The following NCKAP5 variants were observed in gnomAD, a reference collection of about 807,000 sequenced individuals.
The protein encoded by NCKAP5 is nck-associated protein 5.
NCKAP5 carries 92 observed loss-of-function variants against 167.0 expected under a neutral mutation model. That is an observed-to-expected ratio of 0.55 (90% CI 0.47 to 0.66). The LOEUF (loss-of-function observed/expected upper bound fraction) is 0.66, where lower values mean the gene tolerates loss of function less well. Among genes scored for constraint, NCKAP5 ranks in the 30% least tolerant of loss-of-function variants. NCKAP5 has a pLI of 0.00. For synonymous variants in NCKAP5, 891 were observed against 877.4 expected (o/e 1.02, Z -0.27); for missense variants, 2,378 against 2,315.0 (o/e 1.03, Z -0.56).
chr2:132,897,320 A>G (rs1364678374), intron 8 of NCKAP5, among the ~76,000 whole-genome samples: 2 of 152,216 alleles, frequency 1.3e-5, no homozygotes, highest in African/African-American at 4.8e-5. Context: ...ATGAAATGTC[A>G]GGCTGGGAAC....
Position 133,433,174 on chromosome 2 carries a change from T to C in NCKAP5, c.69+84284A>G, listed in dbSNP as rs117138662. Among the ~76,000 whole-genome samples the C allele has an allele frequency of 2.3e-3, 355 of 152,360 alleles. 7 individuals are homozygous for C. The East Asian group carries it at 0.059, about 25-fold the overall frequency. On this transcript the variant is annotated intron_variant, in intron 3 of 19. Transcript: ENST00000409261. The stretch of plus-strand genomic sequence containing the variant: ...TGAAATATTACCTAAATATCTGTTA[T>C]AAATTTGTATGACTTTAATGTGGTA...
intron 17 of NCKAP5, among the ~76,000 whole-genome samples, chr2:132,729,750 G>T (rs193192458): frequency 1.3e-5 from 2 of 152,306 alleles, no homozygotes; most frequent in Admixed American, 1.3e-4. Flanking sequence ...TGCCAGAATG[G>T]AGAATTGCTG....
intron 4 of NCKAP5, among the ~76,000 whole-genome samples, chr2:133,256,122 T>C (rs929052884): frequency 1.3e-5 from 2 of 152,176 alleles, no homozygotes; most frequent in Non-Finnish European, 2.9e-5. Context: ...TATAATCTGA[T>C]CAATTTAATT....
intron 5 of NCKAP5, among the ~76,000 whole-genome samples, chr2:133,186,042 C>T (rs2084932156): frequency 6.6e-6 from 1 of 151,986 alleles, no homozygotes; most frequent in African/African-American, 2.4e-5. Context: ...TTGTTCCGTT[C>T]CTCAAGGAGA....
At chr2:133,429,272 CTTTGT>C (rs1295915054) in intron 3 of NCKAP5, among the ~76,000 whole-genome samples, 5 of 149,758 alleles carry the variant, frequency 3.3e-5, no homozygotes, top group East Asian at 3.9e-4. Context: ...TTTTGCTTTG[CTTTGT>C]TTTAATTTGG....
intron 6 of NCKAP5, among the ~76,000 whole-genome samples, chr2:133,030,783 A>T (rs2078854866): frequency 6.6e-6 from 1 of 152,168 alleles, no homozygotes; most frequent in African/African-American, 2.4e-5. Flanking sequence ...TTATTCTCTC[A>T]CAGTTCTAGA....
chr2:133,226,410 A>G (rs916740928), intron 4 of NCKAP5, among the ~76,000 whole-genome samples: 20 of 152,092 alleles, frequency 1.3e-4, no homozygotes, highest in Non-Finnish European at 2.5e-4. Flanking sequence ...CAGATAACAC[A>G]CCTATGGTTC....
In NCKAP5 at chr2:133,130,306, T is replaced by A. The variant is rs114599042; in HGVS notation, c.208-195A>T. On this transcript the variant is annotated intron_variant, in intron 5 of 19. Coordinates refer to ENST00000409261, the MANE Select transcript of NCKAP5 (RefSeq NM_207363.3). ...GGATCAGAGACACCTAAGTAATTTG[T>A]GCAAGGTCATATAAACCAGAAGGTA... 1.1e-3 allele frequency among the ~76,000 whole-genome samples: 165 copies of A among 152,330 alleles called. 1 individual carries two copies. Among genetic ancestry groups the A allele is most frequent in the African/African-American group, 3.9e-3 (162 of 41,586 alleles).
intron 4 of NCKAP5, among the ~76,000 whole-genome samples, chr2:133,265,641 C>A (rs551923315): frequency 6.6e-6 from 1 of 152,234 alleles, no homozygotes; most frequent in Non-Finnish European, 1.5e-5. Context: ...GAGGGGCCGC[C>A]TGGGCAAGTG....
At chr2:133,027,122 G>T (rs554356721) in intron 6 of NCKAP5, among the ~76,000 whole-genome samples, 1 of 152,080 alleles carries the variant, frequency 6.6e-6, no homozygotes, top group Non-Finnish European at 1.5e-5. Flanking sequence ...TAATAATGGC[G>T]TCTCCCTGTA....
At chr2:133,560,740 C>T (rs1177941371) in intron 1 of NCKAP5, among the ~76,000 whole-genome samples, 1 of 152,204 alleles carries the variant, frequency 6.6e-6, no homozygotes, top group East Asian at 1.9e-4. Context: ...CTTCTCTTTG[C>T]TGTGTCCAAA....
At chr2:132,875,039 TC>T (rs1355668330) in intron 9 of NCKAP5, among the ~76,000 whole-genome samples, 2 of 152,160 alleles carry the variant, frequency 1.3e-5, no homozygotes, top group Non-Finnish European at 2.9e-5. Flanking sequence ...GAGGGAGCTT[TC>T]ATCCTTCTAC....
At chr2:133,046,865 C>A (rs1262113201) in intron 6 of NCKAP5, among the ~76,000 whole-genome samples, 1 of 152,124 alleles carries the variant, frequency 6.6e-6, no homozygotes, top group African/African-American at 2.4e-5. Flanking sequence ...CATAAGGGGT[C>A]GAGAGAACAG....
intron 11 of NCKAP5, among the ~76,000 whole-genome samples, chr2:132,854,064 C>T (rs1311096867): frequency 1.3e-5 from 2 of 152,266 alleles, no homozygotes; most frequent in East Asian, 3.9e-4. Flanking sequence ...TATTGAGGCT[C>T]ACGTGTATTC....
In NCKAP5 at chr2:133,543,522, A is replaced by G. The variant is rs1558769519; in HGVS notation, c.-62+15528T>C. Among the ~76,000 whole-genome samples the G allele has an allele frequency of 2.0e-5, 3 of 152,350 alleles. No homozygotes were observed. In the East Asian group the frequency reaches 5.8e-4, roughly 29 times the overall value. Reference sequence around the variant, plus strand: ...CTTTTTGTAGGTCACTGGAAGCTTCACATCCAATAGTATTATTTCAGTCTG... The same window carrying G: ...CTTTTTGTAGGTCACTGGAAGCTTCGCATCCAATAGTATTATTTCAGTCTG... On this transcript the variant is annotated intron_variant, in intron 2 of 19. Coordinates refer to ENST00000409261, the MANE Select transcript of NCKAP5 (RefSeq NM_207363.3).
At chr2:133,422,738 C>T (rs1689560756) in intron 3 of NCKAP5, among the ~76,000 whole-genome samples, 1 of 152,072 alleles carries the variant, frequency 6.6e-6, no homozygotes, top group Non-Finnish European at 1.5e-5. Context: ...ATATGCAGAA[C>T]CACTTGGCAT....
chr2:132,792,810 A>G (rs1684176379), intron 12 of NCKAP5, among the ~76,000 whole-genome samples: 1 of 152,162 alleles, frequency 6.6e-6, no homozygotes, highest in Non-Finnish European at 1.5e-5. Flanking sequence ...TATTAAAATT[A>G]TACCTATTTT....
chr2:132,744,671 G>A (rs1679495336), intron 16 of NCKAP5, among the ~76,000 whole-genome samples: 2 of 149,208 alleles, frequency 1.3e-5, no homozygotes, highest in South Asian at 2.1e-4. Flanking sequence ...ATGAAACAAA[G>A]AGCTGGTTAT....
chr2:133,105,931 C>T (rs2081670649), intron 6 of NCKAP5, among the ~76,000 whole-genome samples: 1 of 152,204 alleles, frequency 6.6e-6, no homozygotes, highest in African/African-American at 2.4e-5. Context: ...AACATAAAGC[C>T]TACTCACTGA....
Sources: allele counts gnomAD v4.1 joint callset (sites outside exome capture counted in the v4.1 genomes callset), GRCh38; gene constraint gnomAD v4.1.1; transcripts MANE v1.5; gene names NCBI Gene and HGNC (gene_info 2026-07-23, HGNC 2026-07-21).